Variants in HIVEP1 observed in about 807,000 individuals in gnomAD.
HIVEP1 encodes the protein zinc finger protein 40.
Under a neutral mutation model 180.0 loss-of-function variants are expected in HIVEP1, and 36 were observed. That is an observed-to-expected ratio of 0.20 (90% CI 0.15 to 0.26). HIVEP1 has a LOEUF of 0.26. HIVEP1 is among the 10% of genes least tolerant of loss of function. The pLI, the probability that HIVEP1 is intolerant of heterozygous loss-of-function variation, is 1.00. For missense variants in HIVEP1, 3,143 were observed against 3,268.7 expected (o/e 0.96, Z 0.94); for synonymous variants, 1,239 against 1,239.0 (o/e 1.00, Z 0.00).
At chr6:12,058,960 T>C (rs1051357660) in intron 2 of HIVEP1, among the ~76,000 whole-genome samples, 3 of 152,072 alleles carry the variant, frequency 2.0e-5, no homozygotes, top group Non-Finnish European at 4.4e-5. Context: ...TTTTTTTTCT[T>C]TTTTGGAGAC....
At chr6:12,106,212 A>C (rs1481539129) in intron 3 of HIVEP1, among the ~76,000 whole-genome samples, 2 of 152,062 alleles carry the variant, frequency 1.3e-5, no homozygotes, top group African/African-American at 4.8e-5. Context: ...ATTTTCTTTC[A>C]GCATTTTATT....
chr6:12,152,080 T>C (rs923874492), intron 7 of HIVEP1, among the ~76,000 whole-genome samples: 1 of 152,020 alleles, frequency 6.6e-6, no homozygotes, highest in Non-Finnish European at 1.5e-5. Context: ...CGCTTGAACC[T>C]GGGAGGCAGA....
Position 12,123,310 on chromosome 6 carries a change from G to C in HIVEP1, c.3515G>C (p.Gly1172Ala). 1.9e-6 allele frequency: 3 copies of C among 1,614,040 alleles called. No individual in the cohort carries two copies. Among genetic ancestry groups the C allele is most frequent in the Non-Finnish European group, 2.5e-6 (3 of 1,180,010 alleles). ...GAGCTGAATAGAACGGGGAAGTCCG[G>C]GTCTCTAAAAGTGATAGGAATCTCC... ...FQELNRTGKSGSLKVIGISQE... is the reference protein window; with the variant it reads ...FQELNRTGKSASLKVIGISQE... Residue 1172 changes from glycine to alanine, a missense_variant, in exon 4 of 9, where the codon GGG (glycine) becomes GCG (alanine). This residue lies in a region of HIVEP1 where 1,357 missense variants were observed against 1,260.5 expected (regional missense o/e 1.08). Transcript: ENST00000379388.
chr6:12,125,081 G>A lies in HIVEP1; in HGVS notation c.5286G>A (p.Gln1762=). Residue 1762 remains glutamine (Q), a synonymous_variant, in exon 4 of 9, where the codon CAG becomes CAA. Coordinates refer to ENST00000379388, the MANE Select transcript of HIVEP1 (RefSeq NM_002114.4). ...TAGACATTGCCATGGAAAAGCACCA[G>A]AAGCGGGCCAAAGATGAAAATGGAG... is the stretch of plus-strand genomic sequence containing the variant. ...NSLDIAMEKH[Q]KRAKDENGAV... 6.2e-7 allele frequency: 1 copy of A among 1,613,924 alleles called. No individual in the cohort carries two copies.
chr6:12,186,547 T>TA, the HIVEP1 span, among the ~76,000 whole-genome samples: 54,169 of 140,642 alleles, frequency 0.39, 11,245 homozygotes, highest in Middle Eastern at 0.51. Context: ...ATCAAATTGT[T>TA]AAAAAAAAAA....
chr6:12,168,262 A>AT (rs1339020746), downstream of HIVEP1, among the ~76,000 whole-genome samples: 25 of 121,918 alleles, frequency 2.1e-4, no homozygotes, highest in African/African-American at 7.5e-4. Context: ...ATATACGTGT[A>AT]TATATACATA....
At chr6:12,079,590 C>A (rs1288026801) in intron 2 of HIVEP1, among the ~76,000 whole-genome samples, 2 of 152,114 alleles carry the variant, frequency 1.3e-5, no homozygotes, top group South Asian at 2.1e-4. Context: ...TAACTACTTG[C>A]ATTTTATACA....
intron 2 of HIVEP1, among the ~76,000 whole-genome samples, chr6:12,023,660 T>TG (rs972621742): frequency 2.1e-4 from 30 of 140,722 alleles, no homozygotes; most frequent in Admixed American, 1.3e-3. Context: ...GCCTCCTTTT[T>TG]TTTTGCAGAT....
At chr6:12,078,664 CATATATAT>C (rs1232946265) in intron 2 of HIVEP1, among the ~76,000 whole-genome samples, 1 of 132,570 alleles carries the variant, frequency 7.5e-6, no homozygotes, top group Admixed American at 7.8e-5. Context: ...CATATATATA[CATATATAT>C]ACACACACTA....
chr6:12,133,115 A>G (rs1758515822), intron 6 of HIVEP1, among the ~76,000 whole-genome samples: 1 of 152,246 alleles, frequency 6.6e-6, no homozygotes, highest in Non-Finnish European at 1.5e-5. Context: ...ACGCTCTCAG[A>G]AAAATGATCT....
the HIVEP1 span, among the ~76,000 whole-genome samples, chr6:12,202,251 G>A: frequency 8.8e-3 from 1,338 of 152,056 alleles, 55 homozygotes; most frequent in Admixed American, 0.079. Context: ...ACCTCCCGGG[G>A]CTCAGGTGAT....
At chr6:12,051,016 A>ATATATATATATATATATATATG (rs1337110740) in intron 2 of HIVEP1, among the ~76,000 whole-genome samples, 82 of 135,822 alleles carry the variant, frequency 6.0e-4, no homozygotes, top group Middle Eastern at 4.1e-3. Context: ...ATATATATAT[A>ATATATATATATATATATATATG]TATATATATA....
At position 12,163,620 on chromosome 6, in the gene HIVEP1, G is replaced by GTACTCA. The variant is rs1562018376; in HGVS notation, c.7319_7324dup (p.Thr2440_His2441dup). 1.2e-6 allele frequency: 2 copies of GTACTCA among 1,614,108 alleles called. No homozygotes were observed. Among genetic ancestry groups the GTACTCA allele is most frequent in the East Asian group, 4.5e-5 (2 of 44,878 alleles). On this transcript the variant is annotated inframe_insertion, in exon 9 of 9. Coordinates refer to ENST00000379388, the MANE Select transcript of HIVEP1 (RefSeq NM_002114.4). ...GTCAGTGTCGTTCACAGAACTTTGG[G>GTACTCA]TACTCATAGGAATACGGTCACAGAA...
At chr6:12,155,043 T>C (rs1212747106) in intron 7 of HIVEP1, among the ~76,000 whole-genome samples, 3 of 152,188 alleles carry the variant, frequency 2.0e-5, no homozygotes, top group African/African-American at 4.8e-5. Context: ...TTGATCTTCT[T>C]TTTCTGATTT....
At chr6:12,028,045 G>A (rs1768699519) in intron 2 of HIVEP1, among the ~76,000 whole-genome samples, 1 of 152,202 alleles carries the variant, frequency 6.6e-6, no homozygotes, top group Non-Finnish European at 1.5e-5. Context: ...ACTTTGGAAA[G>A]CATGTTAATT....
At chr6:12,045,604 A>G (rs60339956) in intron 2 of HIVEP1, among the ~76,000 whole-genome samples, 2,547 of 152,252 alleles carry the variant, frequency 0.017, 61 homozygotes, top group African/African-American at 0.059. Flanking sequence ...TGTTGAGTTA[A>G]TGCTTGGTAA....
chr6:12,075,839 C>T (rs1225428890), intron 2 of HIVEP1, among the ~76,000 whole-genome samples: 3 of 152,106 alleles, frequency 2.0e-5, no homozygotes, highest in Non-Finnish European at 4.4e-5. Context: ...TTCATGTCAT[C>T]ACAATACCTT....
intron 2 of HIVEP1, among the ~76,000 whole-genome samples, chr6:12,037,105 G>T (rs1185928391): frequency 2.6e-5 from 4 of 152,182 alleles, no homozygotes; most frequent in African/African-American, 2.4e-5. Flanking sequence ...ATCTCAGGGT[G>T]ACCTTAACAG....
chr6:12,080,584 A>G (rs1198626269), intron 2 of HIVEP1, among the ~76,000 whole-genome samples: 1 of 152,194 alleles, frequency 6.6e-6, no homozygotes, highest in East Asian at 1.9e-4. Flanking sequence ...TTTGATATCA[A>G]GATGGTTTTC....
Sources: gnomAD v4.1 joint callset for allele counts (sites outside exome capture counted in the v4.1 genomes callset) on GRCh38, gnomAD v4.1.1 for gene constraint, gnomAD v4.1.1 regional missense constraint, MANE v1.5 for transcripts, NCBI Gene and HGNC (gene_info 2026-07-23, HGNC 2026-07-21) for gene names.